Variants in KCTD3 observed in about 807,000 individuals in gnomAD.
The protein encoded by KCTD3 is BTB/POZ domain-containing protein KCTD3.
KCTD3 carries 41 observed loss-of-function variants against 85.8 expected under a neutral mutation model. The observed-to-expected ratio is 0.48, with a 90% CI of 0.37 to 0.62. The LOEUF (loss-of-function observed/expected upper bound fraction) is 0.62. Among genes scored for constraint, KCTD3 ranks in the 20% least tolerant of loss-of-function variants. KCTD3 has a pLI of 0.00. For synonymous variants in KCTD3, 338 were observed against 345.4 expected (o/e 0.98, Z 0.24); for missense variants, 724 against 989.9 (o/e 0.73, Z 3.60).
At chr1:215,573,413 A>G (rs1659441514) in intron 1 of KCTD3, among the ~76,000 whole-genome samples, 1 of 152,092 alleles carries the variant, frequency 6.6e-6, no homozygotes, top group African/African-American at 2.4e-5. Flanking sequence ...AGAGGGGAAA[A>G]CCAGCATTTG....
chr1:215,608,798 T>C (rs1330486480), intron 14 of KCTD3, among the ~76,000 whole-genome samples: 1 of 151,956 alleles, frequency 6.6e-6, no homozygotes, highest in Non-Finnish European at 1.5e-5. Context: ...ACTGTCCTTA[T>C]AAGCTACTTA....
intron 9 of KCTD3, among the ~76,000 whole-genome samples, chr1:215,588,708 A>C (rs946514916): frequency 6.6e-6 from 1 of 152,118 alleles, no homozygotes; most frequent in Admixed American, 6.5e-5. Flanking sequence ...GATCAGTTGG[A>C]GCTAATACCA....
chr1:215,618,695 C>G (rs1410299443), intron 15 of KCTD3, 191 bp from the exon 16 acceptor site: 1 of 500,524 alleles, frequency 2.0e-6, no homozygotes, highest in Non-Finnish European at 3.5e-6. Flanking sequence ...CAATATGGGC[C>G]ATCTCCATAG....
In KCTD3 at chr1:215,620,324, T is replaced by C; in HGVS notation, c.2154T>C (p.Ser718=). 6.2e-7 allele frequency: 1 copy of C among 1,613,830 alleles called. No individual in the cohort carries two copies. The highest frequency in any genetic ancestry group is 8.5e-7 in the Non-Finnish European group (1 of 1,179,864). Residue 718 remains serine, a synonymous_variant, in exon 18 of 18, where the codon AGT becomes AGC. Coordinates refer to ENST00000259154, the MANE Select transcript of KCTD3 (RefSeq NM_016121.5). ...AGTCTCCTGGAGTAGAAATAAAAAG[T>C]TTGAGAGAATTGGATAGTGGATTGG... is the stretch of plus-strand genomic sequence containing the variant. ...ERKSPGVEIK[S]LRELDSGLEV...
At chr1:215,567,848 C>T (rs1308302035) in intron 1 of KCTD3, 80 bp downstream of exon 1, 13 of 1,000,078 alleles carry the variant, frequency 1.3e-5, no homozygotes, top group Non-Finnish European at 1.7e-5. Flanking sequence ...CCGAGAGTCG[C>T]AGGAACGAGG....
chr1:215,588,672 A>G (rs928988213), intron 9 of KCTD3, among the ~76,000 whole-genome samples: 4 of 152,142 alleles, frequency 2.6e-5, no homozygotes, highest in African/African-American at 4.8e-5. Context: ...GTTTGTAGCT[A>G]TGCATTCACA....
chr1:215,609,680 A>T (rs1655158380), intron 14 of KCTD3, among the ~76,000 whole-genome samples: 1 of 151,976 alleles, frequency 6.6e-6, no homozygotes, highest in Admixed American at 6.6e-5. Context: ...GGCATGAGAG[A>T]GGAAGGAGTC....
rs1206695658 is a variant in KCTD3 at position 215,579,094 on chromosome 1, A to G, written c.492A>G (p.Thr164=). Residue 164 remains threonine, a synonymous_variant, in exon 7 of 18, where the codon ACA becomes ACG. Coordinates refer to ENST00000259154, the MANE Select transcript of KCTD3 (RefSeq NM_016121.5). The part of the protein sequence containing the change: ...STEGEARGNG[T]QPVLSGTGEE... The stretch of plus-strand genomic sequence containing the variant: ...AAGGTGAAGCCCGGGGAAATGGTAC[A>G]CAGCCTGTTCTCTCTGGAACGGGAG... 1 of 1,607,446 alleles carries G rather than the reference A, an allele frequency of 6.2e-7. No homozygotes were observed.
Position 215,577,796 on chromosome 1 carries a change from G to A in KCTD3, c.316+68G>A, listed in dbSNP as rs1659647917. 7 of 1,321,970 alleles carry A rather than the reference G, an allele frequency of 5.3e-6. No homozygotes were observed. The South Asian group carries it at 5.9e-5, about 11-fold the overall frequency. The allele number at this position is 1,321,970 out of a possible 1,614,324, so 81.9% of individuals were successfully genotyped here. A position where few individuals can be genotyped will look rare whatever the true frequency, so the allele number is the denominator to read the frequency against. ...GTATGAAAGTTGCCCTAAATGAAAT[G>A]TGTTTATATCAGGTCCTAATTTTTG... On this transcript the variant is annotated intron_variant, in intron 5 of 17. Coordinates refer to ENST00000259154, the MANE Select transcript of KCTD3 (RefSeq NM_016121.5).
Position 215,604,222 on chromosome 1 carries a change from G to A in KCTD3, c.1229G>A (p.Gly410Asp), listed in dbSNP as rs141142430. The change falls in exon 13 of 18, where the codon GGT (glycine) becomes GAT (aspartate). Residue 410 changes from glycine to aspartate, a missense_variant. Physicochemically the swap from Gly to Asp is moderately conservative, Grantham distance 94. Transcript: ENST00000259154. ...CAACACCCAGAGACAGTTGGGTCAG[G>A]TCCTCAGCTTTTTCAGACTTTCACA... Reference protein sequence around the residue: ...IVQHPETVGSGPQLFQTFTVH... With the variant: ...IVQHPETVGSDPQLFQTFTVH... 1 of 1,613,918 alleles carries A rather than the reference G, an allele frequency of 6.2e-7. No homozygotes were observed. Among genetic ancestry groups the A allele is most frequent in the Middle Eastern group, 1.6e-4 (1 of 6,062 alleles).
chr1:215,618,573 G>C, intron 15 of KCTD3: 1 of 219,424 alleles, frequency 4.6e-6, no homozygotes, highest in Non-Finnish European at 8.8e-6. Context: ...TTCCTGATCC[G>C]TCAATGTGGA....
intron 8 of KCTD3, 91 bp from the exon 9 acceptor site, chr1:215,586,404 G>A (rs943394521): frequency 9.5e-7 from 1 of 1,053,792 alleles, no homozygotes; most frequent in Non-Finnish European, 1.4e-6. Flanking sequence ...TTTGTTTTTT[G>A]TTGTTGTTTT....
chr1:215,583,195 G>A (rs1460288166), intron 8 of KCTD3, among the ~76,000 whole-genome samples: 1 of 152,014 alleles, frequency 6.6e-6, no homozygotes, highest in Non-Finnish European at 1.5e-5. Context: ...AGCCAGAGCA[G>A]CCCTGAGGGC....
Position 215,612,010 on chromosome 1 carries a change from G to A in KCTD3, c.1562+89G>A, listed in dbSNP as rs1655252295. On this transcript the variant is annotated intron_variant, in intron 15 of 17. Coordinates refer to ENST00000259154, the MANE Select transcript of KCTD3 (RefSeq NM_016121.5). ...CATAATTTGACATATTGACCAAAGA[G>A]TGCTACTAGAAACAAATTGTTGGGA... 26 of 830,394 alleles carry A rather than the reference G, an allele frequency of 3.1e-5. No homozygotes were observed. The South Asian group carries it at 3.8e-4, about 12-fold the overall frequency. The allele number at this position is 830,394 out of a possible 1,614,324, so 51.4% of individuals were successfully genotyped here. A position where few individuals can be genotyped will look rare whatever the true frequency, so the allele number is the denominator to read the frequency against.
At position 215,618,763 on chromosome 1, in the gene KCTD3, T is replaced by C. The variant is rs961688955; in HGVS notation, c.1563-123T>C. ...AGATTTACACATAAATTTTAAATGA[T>C]TTTTTAAAAGTCTTTTCTAGTATAA... On this transcript the variant is annotated intron_variant, in intron 15 of 17. Coordinates refer to ENST00000259154, the MANE Select transcript of KCTD3 (RefSeq NM_016121.5). 59 of 729,436 alleles carry C rather than the reference T, an allele frequency of 8.1e-5. 1 individual carries two copies. In the South Asian group the frequency reaches 1.2e-3, roughly 15 times the overall value. 45.2% of individuals were successfully genotyped at this position (729,436 alleles called of 1,614,324 possible).
chr1:215,579,593 G>C (rs889736576), intron 7 of KCTD3, among the ~76,000 whole-genome samples: 2 of 151,898 alleles, frequency 1.3e-5, no homozygotes, highest in Non-Finnish European at 2.9e-5. Context: ...CTGCCTCCTG[G>C]GTTTACGCCA....
chr1:215,570,494 T>G lies in KCTD3; in HGVS notation c.83+2726T>G, dbSNP rs529328975. ...AGGGCTGGGACTAGCCATTGAGGACTCCTGGACAAAGAGCTTTTGAGTCAG... is the reference window on the plus strand; with the variant it reads ...AGGGCTGGGACTAGCCATTGAGGACGCCTGGACAAAGAGCTTTTGAGTCAG... On this transcript the variant is annotated intron_variant, in intron 1 of 17. Transcript: ENST00000259154. Among the ~76,000 whole-genome samples the G allele has an allele frequency of 1.1e-4, 17 of 152,322 alleles. No individual in the cohort carries two copies. In the South Asian group the frequency reaches 3.5e-3, roughly 32 times the overall value.
chr1:215,597,113 A>G (rs532283373), intron 10 of KCTD3, among the ~76,000 whole-genome samples: 2 of 152,318 alleles, frequency 1.3e-5, no homozygotes, highest in Non-Finnish European at 2.9e-5. Flanking sequence ...ATTTGAGTCA[A>G]ATGAACCAGG....
chr1:215,609,210 A>G (rs1655144822), intron 14 of KCTD3, among the ~76,000 whole-genome samples: 1 of 151,962 alleles, frequency 6.6e-6, no homozygotes, highest in African/African-American at 2.4e-5. Flanking sequence ...TCAGACAGAG[A>G]ACACACAGAG....
Sources: gnomAD v4.1 joint callset for allele counts (sites outside exome capture counted in the v4.1 genomes callset) on GRCh38, gnomAD v4.1.1 for gene constraint, MANE v1.5 for transcripts, NCBI Gene and HGNC (gene_info 2026-07-23, HGNC 2026-07-21) for gene names.